CAMK1D: variants seen among roughly 807,000 people sequenced by gnomAD.
The protein encoded by CAMK1D is calcium/calmodulin dependent protein kinase ID, also known as calcium/calmodulin-dependent protein kinase type 1D.
A neutral mutation model predicts 47.7 loss-of-function variants in CAMK1D; 9 were observed. The ratio of observed to expected loss-of-function variants is 0.19; its 90% CI spans 0.11 to 0.33. The LOEUF is 0.33. CAMK1D is among the 10% of genes least tolerant of loss of function. CAMK1D has a pLI of 1.00. For missense variants in CAMK1D, 291 were observed against 488.7 expected (o/e 0.60, Z 3.81); for synonymous variants, 184 against 184.9 (o/e 0.99, Z 0.04).
chr10:12,796,776 G>C (rs1458919209), intron 6 of CAMK1D, among the ~76,000 whole-genome samples: 3 of 152,270 alleles, frequency 2.0e-5, no homozygotes, highest in African/African-American at 7.2e-5. Context: ...CCTCATTCAG[G>C]CCACTGTGGG....
At chr10:12,646,588 G>A (rs1839816713) in intron 2 of CAMK1D, among the ~76,000 whole-genome samples, 1 of 152,076 alleles carries the variant, frequency 6.6e-6, no homozygotes, top group Non-Finnish European at 1.5e-5. Flanking sequence ...GTTTCTCCTT[G>A]TAAAATAGGG....
chr10:12,411,992 T>G (rs1839673883), intron 1 of CAMK1D, among the ~76,000 whole-genome samples: 2 of 152,212 alleles, frequency 1.3e-5, no homozygotes, highest in African/African-American at 4.8e-5. Context: ...TCCGCTGATG[T>G]CTTTACACCA....
At chr10:12,756,728 C>A (rs1836242194) in intron 3 of CAMK1D, among the ~76,000 whole-genome samples, 2 of 151,604 alleles carry the variant, frequency 1.3e-5, no homozygotes, top group African/African-American at 4.9e-5. Flanking sequence ...AGATCGACAC[C>A]ATCCTGGCTA....
intron 2 of CAMK1D, among the ~76,000 whole-genome samples, chr10:12,580,002 T>C (rs1176794007): frequency 1.3e-5 from 2 of 152,198 alleles, no homozygotes; most frequent in African/African-American, 4.8e-5. Context: ...GGAGAGTGTC[T>C]GCTCTAAGCT....
intron 1 of CAMK1D, among the ~76,000 whole-genome samples, chr10:12,406,094 G>C (rs924829914): frequency 1.3e-5 from 2 of 152,158 alleles, no homozygotes; most frequent in Non-Finnish European, 2.9e-5. Context: ...TTAGCGGTTG[G>C]CTTGTTGGGA....
At chr10:12,528,842 A>G (rs1178849444) in intron 1 of CAMK1D, among the ~76,000 whole-genome samples, 1 of 151,656 alleles carries the variant, frequency 6.6e-6, no homozygotes, top group African/African-American at 2.4e-5. Flanking sequence ...CCTAGGGTCA[A>G]GCAATCCTCC....
At chr10:12,389,754 A>G (rs922398045) in intron 1 of CAMK1D, among the ~76,000 whole-genome samples, 5 of 152,118 alleles carry the variant, frequency 3.3e-5, no homozygotes, top group African/African-American at 4.8e-5. Context: ...CTTGTCACCT[A>G]CTGTCTGAAG....
intron 1 of CAMK1D, among the ~76,000 whole-genome samples, chr10:12,464,531 C>T (rs539630558): frequency 2.6e-5 from 4 of 152,082 alleles, no homozygotes; most frequent in Admixed American, 6.6e-5. Context: ...AAAGAGTGGT[C>T]AAGGCCGGGC....
chr10:12,472,026 C>G (rs1833761250), intron 1 of CAMK1D, among the ~76,000 whole-genome samples: 1 of 138,650 alleles, frequency 7.2e-6, no homozygotes, highest in Admixed American at 7.3e-5. Context: ...CAGAGTAAGA[C>G]TCTGTCTCAA....
At chr10:12,548,447 C>CTTT (rs35061502) in intron 1 of CAMK1D, among the ~76,000 whole-genome samples, 947 of 81,196 alleles carry the variant, frequency 0.012, 22 homozygotes, top group East Asian at 0.026. Flanking sequence ...CCATTTTAAG[C>CTTT]TTTTTTTTTT....
chr10:12,428,025 A>G (rs1174372485), intron 1 of CAMK1D, among the ~76,000 whole-genome samples: 1 of 151,894 alleles, frequency 6.6e-6, no homozygotes, highest in African/African-American at 2.4e-5. Context: ...TTTTAAATTA[A>G]TTAATTATTA....
intron 1 of CAMK1D, among the ~76,000 whole-genome samples, chr10:12,487,194 C>T (rs756991415): frequency 1.1e-4 from 16 of 152,092 alleles, no homozygotes; most frequent in African/African-American, 2.9e-4. Context: ...AAGGAGGCCC[C>T]GGTGTCAGCT....
chr10:12,743,355 A>AAAAAAAAAAAAAAAAAAAAAAAG (rs1461631779), intron 3 of CAMK1D, among the ~76,000 whole-genome samples: 3 of 118,248 alleles, frequency 2.5e-5, no homozygotes, highest in African/African-American at 8.5e-5. Context: ...TCAAAAAAAA[A>AAAAAAAAAAAAAAAAAAAAAAAG]AAAAGAAAAA....
intron 1 of CAMK1D, among the ~76,000 whole-genome samples, chr10:12,535,197 G>T (rs933358297): frequency 5.3e-5 from 8 of 152,136 alleles, no homozygotes; most frequent in African/African-American, 1.4e-4. Context: ...CCCACCCACC[G>T]CAGGGTCCTT....
At chr10:12,737,643 A>G (rs1835246634) in intron 3 of CAMK1D, among the ~76,000 whole-genome samples, 1 of 151,572 alleles carries the variant, frequency 6.6e-6, no homozygotes, top group Admixed American at 6.6e-5. Context: ...TCCCTTTAAC[A>G]CTTCTGTTCT....
At chr10:12,440,230 A>C (rs879602219) in intron 1 of CAMK1D, among the ~76,000 whole-genome samples, 7 of 152,018 alleles carry the variant, frequency 4.6e-5, no homozygotes, top group Non-Finnish European at 8.8e-5. Flanking sequence ...TTATGTTGTA[A>C]TTATGAAACA....
chr10:12,814,398 G>T (rs1034017411), intron 7 of CAMK1D, 91 bp downstream of exon 7: 119 of 779,264 alleles, frequency 1.5e-4, no homozygotes, highest in Admixed American at 1.2e-4. Flanking sequence ...GGACCCTGGG[G>T]GGCTCAGAAC....
chr10:12,816,584 C>G (rs1032785407), intron 8 of CAMK1D, among the ~76,000 whole-genome samples: 1 of 151,904 alleles, frequency 6.6e-6, no homozygotes, highest in African/African-American at 2.4e-5. Context: ...TAAAGACATA[C>G]CAGAGGCCAG....
chr10:12,695,209 T>A (rs572734455), intron 3 of CAMK1D, among the ~76,000 whole-genome samples: 1 of 152,182 alleles, frequency 6.6e-6, no homozygotes, highest in South Asian at 2.1e-4. Flanking sequence ...CAAGAAAAGA[T>A]CCCATTAAAG....
Sources: allele counts gnomAD v4.1 joint callset (sites outside exome capture counted in the v4.1 genomes callset), GRCh38; gene constraint gnomAD v4.1.1; transcripts MANE v1.5; gene names NCBI Gene and HGNC (gene_info 2026-07-23, HGNC 2026-07-21).